The following COPE variants were observed in gnomAD, a reference collection of about 807,000 sequenced individuals.
COPE encodes the protein coat protein complex I subunit epsilon.
In COPE, 19 loss-of-function variants were observed where a neutral mutation model predicts 42.1. The observed-to-expected ratio is 0.45, with a 90% confidence interval of 0.31 to 0.66. The LOEUF is 0.66. Among genes scored for constraint, COPE ranks in the 30% least tolerant of loss-of-function variants. The pLI, the probability that COPE is intolerant of heterozygous loss-of-function variation, is 0.05. For missense variants in COPE, 402 were observed against 416.1 expected, an observed-to-expected ratio of 0.97 and a Z score of 0.30; for synonymous variants, 195 against 181.3, an observed-to-expected ratio of 1.08 and a Z score of -0.60.
intron 4 of COPE, chr19:18,906,748 C>A (rs1351268547): frequency 1.1e-5 from 6 of 537,334 alleles, no homozygotes. Flanking sequence ...AGCCTGGGCA[C>A]CGTGTCCTTG....
chr19:18,911,689 C>CT (rs1474259026), intron 2 of COPE, among the ~76,000 whole-genome samples: 2 of 150,426 alleles, frequency 1.3e-5, no homozygotes, highest in Non-Finnish European at 3.0e-5. Flanking sequence ...GTAGCTGAGA[C>CT]TACAGGCGCC....
intron 1 of COPE, among the ~76,000 whole-genome samples, chr19:18,917,241 C>CTTTTTTTTTTTT (rs531312180): frequency 3.2e-4 from 35 of 110,656 alleles, no homozygotes; most frequent in Non-Finnish European, 5.2e-4. Flanking sequence ...TTCTTTTTTT[C>CTTTTTTTTTTTT]TTTTTTTTTT....
At chr19:18,919,067 G>T (rs1218830338) in intron 1 of COPE, among the ~76,000 whole-genome samples, 156 bp downstream of exon 1, 1 of 152,262 alleles carries the variant, frequency 6.6e-6, no homozygotes, top group Non-Finnish European at 1.5e-5. Flanking sequence ...GTTCTGTCAC[G>T]GGACAGTGAC....
At chr19:18,904,923 C>G in intron 5 of COPE, 71 bp from the exon 6 acceptor site, 1 of 1,451,836 alleles carries the variant, frequency 6.9e-7, no homozygotes, top group Admixed American at 2.0e-5. Context: ...TGCCTTGTCC[C>G]CACTTGGGGC....
At chr19:18,905,901 C>T (rs2056754671) in intron 4 of COPE, 1 of 534,434 alleles carries the variant, frequency 1.9e-6, no homozygotes, top group Non-Finnish European at 3.3e-6. Flanking sequence ...ATGGGCTGTG[C>T]TTCCAGATGG....
chr19:18,906,516 G>A (rs1275135347), intron 4 of COPE: 1 of 166,486 alleles, frequency 6.0e-6, no homozygotes, highest in African/African-American at 2.4e-5. Context: ...CCCTGGACAT[G>A]GCCCGGAGTC....
Position 18,903,356 on chromosome 19 carries a change from A to C in COPE, c.647T>G (p.Leu216Arg), listed in dbSNP as rs746210018. The change falls in exon 7 of 10, where the codon CTG becomes CGG. Residue 216 changes from leucine (L) to arginine (R), a missense_variant. Coordinates refer to ENST00000262812, the MANE Select transcript of COPE (RefSeq NM_007263.4). ...GGCCGCCTGCCCATTGAGCAGCAGC[A>C]GGGTGGGCGAGCACTTGTCAGCCAT... is the stretch of plus-strand genomic sequence containing the variant. ...QEMADKCSPTLLLLNGQAACH... is the reference protein window; with the variant it reads ...QEMADKCSPTRLLLNGQAACH... 5.9e-5 allele frequency: 95 copies of C among 1,612,738 alleles called. No individual in the cohort carries two copies. The highest frequency in any genetic ancestry group is 7.9e-5 in the Non-Finnish European group (93 of 1,179,578).
intron 7 of COPE, 97 bp downstream of exon 7, chr19:18,903,170 AG>A (rs2056724833): frequency 6.1e-6 from 8 of 1,313,584 alleles, no homozygotes; most frequent in Non-Finnish European, 8.0e-6. Context: ...ACGCACACCC[AG>A]GGGGTCTCTG....
intron 1 of COPE, 106 bp downstream of exon 1, chr19:18,919,117 G>A: frequency 7.9e-7 from 1 of 1,264,674 alleles, no homozygotes; most frequent in Non-Finnish European, 1.1e-6. Flanking sequence ...CCCAAAAAAC[G>A]CGAGAAGAAA....
chr19:18,914,755 C>CT (rs749395912), intron 1 of COPE, among the ~76,000 whole-genome samples: 11,049 of 121,842 alleles, frequency 0.091, 658 homozygotes, highest in Admixed American at 0.15. Flanking sequence ...AAAGCATAGT[C>CT]TTTTTTTTTT....
chr19:18,907,616 G>T (rs1250364780), intron 3 of COPE, among the ~76,000 whole-genome samples: 1 of 152,180 alleles, frequency 6.6e-6, no homozygotes, highest in Admixed American at 6.5e-5. Context: ...AGTGTGCTGC[G>T]GGCCAGGGCC....
intron 1 of COPE, among the ~76,000 whole-genome samples, chr19:18,915,096 G>A (rs1398588195): frequency 2.6e-5 from 4 of 152,082 alleles, no homozygotes; most frequent in South Asian, 2.1e-4. Flanking sequence ...TAGTCCCAGC[G>A]ACTCAGGAGG....
intron 3 of COPE, among the ~76,000 whole-genome samples, chr19:18,908,368 G>A (rs910114059): frequency 6.6e-6 from 1 of 151,868 alleles, no homozygotes; most frequent in East Asian, 1.9e-4. Flanking sequence ...TTGAAGCTGC[G>A]GTGAGCTGTG....
intron 4 of COPE, 79 bp downstream of exon 4, chr19:18,906,881 C>G (rs1028535834): frequency 2.3e-5 from 33 of 1,440,494 alleles, no homozygotes; most frequent in Non-Finnish European, 2.9e-5. Flanking sequence ...CGACAGCCAG[C>G]GAGGCCGTGC....
chr19:18,906,745 G>A (rs1216227052), intron 4 of COPE: 6 of 530,382 alleles, frequency 1.1e-5, no homozygotes, highest in African/African-American at 2.0e-5. Flanking sequence ...TGCAGCCTGG[G>A]CACCGTGTCC....
At chr19:18,912,488 T>C (rs1429502440) in intron 2 of COPE, among the ~76,000 whole-genome samples, 1 of 151,084 alleles carries the variant, frequency 6.6e-6, no homozygotes, top group African/African-American at 2.4e-5. Context: ...GCTGGGCGCG[T>C]TGGCTCACGC....
At chr19:18,901,115 TG>T (rs550911192) in intron 7 of COPE, among the ~76,000 whole-genome samples, 4 of 152,084 alleles carry the variant, frequency 2.6e-5, no homozygotes, top group East Asian at 1.9e-4. Flanking sequence ...CAAAGGGAAG[TG>T]GGGGGACCTG....
chr19:18,909,962 G>A (rs2056795013), intron 3 of COPE, among the ~76,000 whole-genome samples: 1 of 152,220 alleles, frequency 6.6e-6, no homozygotes, highest in South Asian at 2.1e-4. Context: ...ATAGGATATG[G>A]ACGTACCTTT....
intron 1 of COPE, among the ~76,000 whole-genome samples, chr19:18,914,697 G>A (rs2056838928): frequency 6.6e-6 from 1 of 151,446 alleles, no homozygotes; most frequent in South Asian, 2.1e-4. Flanking sequence ...CAAAGCAGGA[G>A]CACTGCTTGA....
Sources: allele counts gnomAD v4.1 joint callset (sites outside exome capture counted in the v4.1 genomes callset), GRCh38; gene constraint gnomAD v4.1.1; transcripts MANE v1.5; gene names NCBI Gene and HGNC (gene_info 2026-07-23, HGNC 2026-07-21).